Variants in TP53BP1 observed in about 807,000 individuals in gnomAD.
The protein encoded by TP53BP1 is tumor protein p53 binding protein 1.
Under a neutral mutation model 200.8 loss-of-function variants are expected in TP53BP1, and 61 were observed. The ratio of observed to expected loss-of-function variants is 0.30; its 90% CI spans 0.25 to 0.38. The LOEUF (loss-of-function observed/expected upper bound fraction) is 0.38, where lower values mean the gene tolerates loss of function less well. Ranked by LOEUF, TP53BP1 falls within the 10% of genes least tolerant of loss-of-function variation. The pLI is 1.00. For missense variants in TP53BP1, 2,144 were observed against 2,371.9 expected, an observed-to-expected ratio of 0.90 and a Z score of 2.00; for synonymous variants, 822 against 844.3, an observed-to-expected ratio of 0.97 and a Z score of 0.46.
At chr15:43,423,729 A>G (rs1049900363) in intron 18 of TP53BP1, among the ~76,000 whole-genome samples, 1 of 152,054 alleles carries the variant, frequency 6.6e-6, no homozygotes, top group Admixed American at 6.6e-5. Flanking sequence ...AGATAATACT[A>G]TAAAATGATG....
intron 21 of TP53BP1, chr15:43,417,194 C>G (rs551313015): frequency 6.6e-6 from 1 of 152,168 alleles, no homozygotes; most frequent in African/African-American, 2.4e-5. Flanking sequence ...ACACACCCCC[C>G]CACCCCCACA....
At chr15:43,433,390 C>T (rs1284772899) in intron 16 of TP53BP1, among the ~76,000 whole-genome samples, 1 of 152,162 alleles carries the variant, frequency 6.6e-6, no homozygotes, top group East Asian at 1.9e-4. Context: ...CCACATACCA[C>T]GATTTCCGAA....
intron 14 of TP53BP1, among the ~76,000 whole-genome samples, chr15:43,443,763 G>A (rs1348728396): frequency 6.6e-6 from 1 of 152,018 alleles, no homozygotes; most frequent in African/African-American, 2.4e-5. Context: ...ATTAAAGGTC[G>A]TACTGAAAAA....
intron 11 of TP53BP1, among the ~76,000 whole-genome samples, chr15:43,462,783 G>A (rs1025762780): frequency 2.0e-5 from 3 of 152,086 alleles, no homozygotes; most frequent in African/African-American, 7.2e-5. Context: ...CAGGCCAGGC[G>A]TGGTGGCTCA....
intron 23 of TP53BP1, chr15:43,414,058 G>A: frequency 4.3e-6 from 2 of 460,574 alleles, no homozygotes; most frequent in South Asian, 1.6e-5. Context: ...CTGACCTGGA[G>A]AAGCTGAATC....
chr15:43,454,164 C>T (rs1422306478), intron 12 of TP53BP1, among the ~76,000 whole-genome samples: 1 of 151,558 alleles, frequency 6.6e-6, no homozygotes, highest in Non-Finnish European at 1.5e-5. Context: ...GAGATTGCGC[C>T]ACTGCACTCC....
intron 15 of TP53BP1, among the ~76,000 whole-genome samples, chr15:43,439,555 C>A (rs2045879600): frequency 6.6e-6 from 1 of 152,150 alleles, no homozygotes. Context: ...AACAAAAAAT[C>A]TCCACCTAAA....
At position 43,403,970 on chromosome 15, in the gene TP53BP1, A is replaced by AT. The variant is rs3837679; in HGVS notation, c.*3412dup. 0.21 allele frequency: 130,462 copies of AT among 609,738 alleles called. 21,796 individuals carry two copies. The highest frequency in any genetic ancestry group is 0.63 in the African/African-American group (34,309 of 54,226). The allele number at this position is 609,738 out of a possible 1,614,324, so 37.8% of individuals were successfully genotyped here. On this transcript the variant is annotated 3_prime_UTR_variant, in exon 28 of 28. Transcript: ENST00000382044. Reference sequence around the variant, plus strand: ...GTATCAGTTGATTTTGAAGCAGGTAATACTGTGCCACCTCACAGTGCTCAA... The same window carrying AT: ...GTATCAGTTGATTTTGAAGCAGGTAATTACTGTGCCACCTCACAGTGCTCAA...
In TP53BP1 at chr15:43,456,310, C is replaced by G; in HGVS notation, c.2298G>C (p.Val766=). The G allele has an allele frequency of 3.1e-6, 5 of 1,614,110 alleles. No individual in the cohort carries two copies. Among genetic ancestry groups the G allele is most frequent in the Non-Finnish European group, 4.2e-6 (5 of 1,180,044 alleles). The change falls in exon 12 of 28, where the codon GTG becomes GTC. Residue 766 remains valine (V), a synonymous_variant. Transcript: ENST00000382044. Reference sequence around the variant, plus strand: ...CATCAACTCTGGGAGATGGCTCTTTCACATCTACAATGACAACACTGGAGT... The same window carrying G: ...CATCAACTCTGGGAGATGGCTCTTTGACATCTACAATGACAACACTGGAGT... ...SEDSSVVIVD[V]KEPSPRVDVS... is the part of the protein sequence containing the mutation.
At position 43,408,981 on chromosome 15, in the gene TP53BP1, C is replaced by A; in HGVS notation, c.5516G>T (p.Ser1839Ile). 1 of 1,614,166 alleles carries A rather than the reference C, an allele frequency of 6.2e-7. No individual in the cohort carries two copies. The highest frequency in any genetic ancestry group is 8.5e-7 in the Non-Finnish European group (1 of 1,180,032). Residue 1839 changes from serine (S) to isoleucine (I), a missense_variant, in exon 26 of 28, where the codon AGT becomes ATT. By Grantham distance (142) the Ser-to-Ile change is moderately radical (BLOSUM62 -2). Transcript: ENST00000382044. ...PCVSHVWVHD[S>I]CHANQLQNYR... ...GTTCTGGAGCTGGTTGGCATGGCAA[C>A]TATCATGGACCCAGACATGAGACAC...
Position 43,404,632 on chromosome 15 carries a change from AGAC to A in TP53BP1, c.*2748_*2750del. 6.7e-7 allele frequency: 1 copy of A among 1,491,938 alleles called. No individual in the cohort carries two copies. The highest frequency in any genetic ancestry group is 9.2e-7 in the Non-Finnish European group (1 of 1,089,998). 92.4% of individuals were successfully genotyped at this position (1,491,938 alleles called of 1,614,324 possible). On this transcript the variant is annotated 3_prime_UTR_variant, in exon 28 of 28. Coordinates refer to ENST00000382044, the MANE Select transcript of TP53BP1 (RefSeq NM_001141980.3). Reference sequence around the variant, plus strand: ...GTTGTAGAATTCTAGAACTGGAAGAAGACTTTAGTCCAAATACCCTCATTTTAT... The same window carrying A: ...GTTGTAGAATTCTAGAACTGGAAGAATTTAGTCCAAATACCCTCATTTTAT...
rs931614003 is a variant in TP53BP1 at position 43,470,491 on chromosome 15, T to C, written c.1181-425A>G. Among the ~76,000 whole-genome samples the C allele has an allele frequency of 5.9e-5, 9 of 152,362 alleles. 1 individual carries two copies. The highest frequency in any genetic ancestry group is 3.9e-4 in the Admixed American group (6 of 15,302). On this transcript the variant is annotated intron_variant, in intron 10 of 27. Transcript: ENST00000382044. The stretch of plus-strand genomic sequence containing the variant: ...GTCACCACTTTAGGTAAATACAGTA[T>C]CTATAATTCATATTTACGAACTGAT...
intron 4 of TP53BP1, among the ~76,000 whole-genome samples, chr15:43,482,441 C>T (rs982061409): frequency 2.1e-4 from 32 of 151,898 alleles, no homozygotes; most frequent in Admixed American, 1.2e-3. Flanking sequence ...AAAACCAGCA[C>T]GGCCAACATG....
At chr15:43,466,666 G>C (rs192362145) in intron 11 of TP53BP1, among the ~76,000 whole-genome samples, 2 of 152,238 alleles carry the variant, frequency 1.3e-5, no homozygotes, top group African/African-American at 4.8e-5. Flanking sequence ...AGACCAGCCT[G>C]GGCAACATAG....
chr15:43,449,586 C>T (rs1335333956), intron 12 of TP53BP1, among the ~76,000 whole-genome samples: 1 of 152,198 alleles, frequency 6.6e-6, no homozygotes. Context: ...AGGGACAGCA[C>T]TGCCACTACT....
At chr15:43,424,096 T>C (rs1171481748) in intron 18 of TP53BP1, among the ~76,000 whole-genome samples, 1 of 152,246 alleles carries the variant, frequency 6.6e-6, no homozygotes, top group African/African-American at 2.4e-5. Context: ...CCTCCATTTC[T>C]CTGCCTTCAA....
intron 1 of TP53BP1, among the ~76,000 whole-genome samples, chr15:43,509,193 G>GGA (rs1566973900): frequency 1.9e-5 from 2 of 106,602 alleles, no homozygotes; most frequent in Non-Finnish European, 3.8e-5. Context: ...ACAAACGGGG[G>GGA]GGGGGGGGGC....
At chr15:43,473,495 TAC>T (rs2046777603) in intron 10 of TP53BP1, among the ~76,000 whole-genome samples, 1 of 151,908 alleles carries the variant, frequency 6.6e-6, no homozygotes, top group African/African-American at 2.4e-5. Context: ...TGTCCATTGG[TAC>T]ATTCACAAAC....
chr15:43,496,520 G>A (rs760644160), upstream of TP53BP1, among the ~76,000 whole-genome samples: 1 of 151,748 alleles, frequency 6.6e-6, no homozygotes, highest in African/African-American at 2.4e-5. Flanking sequence ...GTTGCTTCAC[G>A]ATCTTATGAA....
Sources: gnomAD v4.1 joint callset for allele counts (sites outside exome capture counted in the v4.1 genomes callset) on GRCh38, gnomAD v4.1.1 for gene constraint, MANE v1.5 for transcripts, NCBI Gene and HGNC (gene_info 2026-07-23, HGNC 2026-07-21) for gene names.